Variants in FMNL2 observed in about 807,000 individuals in gnomAD.
FMNL2 encodes formin like 2, also known as formin-like protein 2.
FMNL2 carries 51 observed loss-of-function variants against 130.2 expected under a neutral mutation model. The ratio of observed to expected loss-of-function variants is 0.39; its 90% CI spans 0.31 to 0.49. FMNL2 has a LOEUF of 0.49. FMNL2 is among the 20% of genes least tolerant of loss of function. The pLI is 0.85. For missense variants in FMNL2, 977 were observed against 1,316.2 expected (o/e 0.74, Z 3.99); for synonymous variants, 465 against 467.1 (o/e 1.00, Z 0.06).
intron 15 of FMNL2, chr2:152,622,571 C>T (rs1216409405): frequency 4.4e-6 from 2 of 456,714 alleles, no homozygotes; most frequent in Non-Finnish European, 8.8e-6. Context: ...GGTTGCTCCT[C>T]ACTGAGTGTG....
chr2:152,522,043 C>T lies in FMNL2; in HGVS notation c.201+17C>T, dbSNP rs1188391229. 6.3e-7 allele frequency: 1 copy of T among 1,586,022 alleles called. No homozygotes were observed. The highest frequency in any genetic ancestry group is 1.4e-5 in the African/African-American group (1 of 73,440). Reference sequence around the variant, plus strand: ...TGTGATCAGGTAAGAAACAGTGACACTTTCTTTTATGAAAAAAGTAATGAA... The same window carrying T: ...TGTGATCAGGTAAGAAACAGTGACATTTTCTTTTATGAAAAAAGTAATGAA... On this transcript the variant is annotated intron_variant, in intron 2 of 25. Coordinates refer to ENST00000288670, the MANE Select transcript of FMNL2 (RefSeq NM_052905.4).
chr2:152,530,270 A>T (rs1372209454), intron 2 of FMNL2, among the ~76,000 whole-genome samples: 1 of 152,216 alleles, frequency 6.6e-6, no homozygotes, highest in Non-Finnish European at 1.5e-5. Context: ...CTACCAAGTG[A>T]TACAGATACT....
chr2:152,439,397 T>C (rs1687941558), intron 1 of FMNL2, among the ~76,000 whole-genome samples: 1 of 152,108 alleles, frequency 6.6e-6, no homozygotes, highest in Non-Finnish European at 1.5e-5. Flanking sequence ...GTTGGATATG[T>C]GTGTGTTTTG....
chr2:152,336,097 C>CAAAACAA (rs1298091219), intron 1 of FMNL2, among the ~76,000 whole-genome samples: 3 of 126,276 alleles, frequency 2.4e-5, no homozygotes, highest in Non-Finnish European at 5.1e-5. Context: ...TTAAAAAAAA[C>CAAAACAA]AAAACAAAAC....
At chr2:152,566,833 C>T (rs1051509836) in intron 6 of FMNL2, among the ~76,000 whole-genome samples, 7 of 151,984 alleles carry the variant, frequency 4.6e-5, no homozygotes, top group Non-Finnish European at 7.4e-5. Flanking sequence ...GAGTGATTCA[C>T]GAGACTTGGT....
chr2:152,337,656 T>C (rs1681552722), intron 1 of FMNL2, among the ~76,000 whole-genome samples: 1 of 152,138 alleles, frequency 6.6e-6, no homozygotes, highest in African/African-American at 2.4e-5. Context: ...GTTGCAAATA[T>C]AGTATTTAGA....
intron 1 of FMNL2, chr2:152,390,312 G>A (rs952975651): frequency 1.4e-5 from 17 of 1,259,104 alleles, no homozygotes; most frequent in South Asian, 2.4e-5. Context: ...GCTCTACAAC[G>A]AAGTGAAGGT....
chr2:152,473,246 T>G, intron 1 of FMNL2, among the ~76,000 whole-genome samples: 1 of 152,180 alleles, frequency 6.6e-6, no homozygotes, highest in Non-Finnish European at 1.5e-5. Context: ...TCACTCTGTC[T>G]GCCAGGCTGG....
At position 152,619,505 on chromosome 2, in the gene FMNL2, C is replaced by G; in HGVS notation, c.1628-4C>G. 2 of 1,549,668 alleles carry G rather than the reference C, an allele frequency of 1.3e-6. No homozygotes were observed. Among genetic ancestry groups the G allele is most frequent in the African/African-American group, 1.4e-5 (1 of 72,990 alleles). ...AGTCCATCTGTTTCTTTTTTCTTTG[C>G]TAGTGCAAAATGGTCCAGTAACACC... On this transcript the variant is annotated splice_region_variant and splice_polypyrimidine_tract_variant and intron_variant, in intron 14 of 25. Transcript: ENST00000288670.
rs150050087 is a variant in FMNL2, at chr2:152,478,949, C to T, written c.118-42994C>T. On this transcript the variant is annotated intron_variant, in intron 1 of 25. Transcript: ENST00000288670. Reference sequence around the variant, plus strand: ...GGCAACTCTCAAATGAGGTGATGTCCCACATTCTCAAGAAGAATAACAAAT... The same window carrying T: ...GGCAACTCTCAAATGAGGTGATGTCTCACATTCTCAAGAAGAATAACAAAT... Among the ~76,000 whole-genome samples, 18 of 152,114 alleles carry T rather than the reference C, an allele frequency of 1.2e-4. No individual in the cohort carries two copies. The East Asian group carries it at 3.1e-3, about 26-fold the overall frequency.
intron 1 of FMNL2, among the ~76,000 whole-genome samples, chr2:152,464,089 T>A (rs113696750): frequency 6.6e-6 from 1 of 152,092 alleles, no homozygotes; most frequent in Non-Finnish European, 1.5e-5. Context: ...TATGCAACGA[T>A]GCCTGGCTAA....
chr2:152,601,282 C>CTTTCT (rs757110216), intron 9 of FMNL2, among the ~76,000 whole-genome samples: 140 of 146,384 alleles, frequency 9.6e-4, no homozygotes, highest in Admixed American at 2.4e-3. Context: ...TGATGGCTTT[C>CTTTCT]TTTCTTTTCT....
intron 1 of FMNL2, among the ~76,000 whole-genome samples, chr2:152,349,736 A>G (rs535464196): frequency 6.6e-6 from 1 of 152,314 alleles, no homozygotes; most frequent in Admixed American, 6.5e-5. Flanking sequence ...TTTGGAGGGA[A>G]GGTGCCTTTT....
chr2:152,472,971 C>G (rs1689939825), intron 1 of FMNL2, among the ~76,000 whole-genome samples: 1 of 152,006 alleles, frequency 6.6e-6, no homozygotes, highest in African/African-American at 2.4e-5. Flanking sequence ...CATGGTAAAC[C>G]CTGAAATATA....
At position 152,632,046 on chromosome 2, in the gene FMNL2, G is replaced by A. The variant is rs1682206837; in HGVS notation, c.2589G>A (p.Leu863=). 6.2e-7 allele frequency: 1 copy of A among 1,613,032 alleles called. No homozygotes were observed. The highest frequency in any genetic ancestry group is 2.2e-5 in the East Asian group (1 of 44,844). ...AGTCAACAGACAGAAAGCAAACACT[G>A]TTGCACTATATATCCAATGTGGTGA... is the stretch of plus-strand genomic sequence containing the variant. ...DTKSTDRKQT[L]LHYISNVVKE... Residue 863 remains leucine, a synonymous_variant, in exon 21 of 26, where the codon CTG becomes CTA. Transcript: ENST00000288670.
At chr2:152,449,841 A>G (rs188228329) in intron 1 of FMNL2, among the ~76,000 whole-genome samples, 2 of 152,366 alleles carry the variant, frequency 1.3e-5, no homozygotes, top group Admixed American at 6.5e-5. Flanking sequence ...TACATGTTTG[A>G]CAGACTGCAT....
chr2:152,357,064 TAA>T (rs1491117779), intron 1 of FMNL2, among the ~76,000 whole-genome samples: 1 of 146,224 alleles, frequency 6.8e-6, no homozygotes, highest in South Asian at 2.1e-4. Context: ...AAATATTACA[TAA>T]GTTTAATATA....
At chr2:152,488,455 C>G (rs977767813) in intron 1 of FMNL2, among the ~76,000 whole-genome samples, 1 of 152,236 alleles carries the variant, frequency 6.6e-6, no homozygotes, top group African/African-American at 2.4e-5. Context: ...TTTTCCAAGA[C>G]ATGCTGGTCA....
intron 1 of FMNL2, among the ~76,000 whole-genome samples, chr2:152,404,445 A>G (rs955984173): frequency 1.1e-4 from 17 of 152,128 alleles, no homozygotes; most frequent in Admixed American, 5.9e-4. Flanking sequence ...ATCTTTGGGG[A>G]TAATGTCATT....
Sources: allele counts gnomAD v4.1 joint callset (sites outside exome capture counted in the v4.1 genomes callset), GRCh38; gene constraint gnomAD v4.1.1; transcripts MANE v1.5; gene names NCBI Gene and HGNC (gene_info 2026-07-23, HGNC 2026-07-21).